KIAA0753: variants seen among roughly 807,000 people sequenced by gnomAD.
KIAA0753 encodes protein moonraker.
KIAA0753 carries 114 observed loss-of-function variants against 116.9 expected under a neutral mutation model. The ratio of observed to expected loss-of-function variants is 0.98; its 90% CI spans 0.84 to 1.14. KIAA0753 has a LOEUF of 1.14. Ranked by LOEUF, KIAA0753 falls within the 50% of genes most tolerant of loss-of-function variation. KIAA0753 has a pLI of 0.00. For synonymous variants in KIAA0753, 405 were observed against 413.1 expected, an observed-to-expected ratio of 0.98 and a Z score of 0.24; for missense variants, 1,156 against 1,172.4, an observed-to-expected ratio of 0.99 and a Z score of 0.20.
intron 8 of KIAA0753, among the ~76,000 whole-genome samples, 194 bp from the exon 9 acceptor site, chr17:6,610,354 G>A (rs1405249396): frequency 6.6e-6 from 1 of 150,426 alleles, no homozygotes; most frequent in Admixed American, 6.6e-5. Context: ...AGGGGCGGGG[G>A]GTGGAGGGTG....
intron 18 of KIAA0753, among the ~76,000 whole-genome samples, chr17:6,587,462 G>A (rs1046663040): frequency 6.6e-6 from 1 of 152,184 alleles, no homozygotes; most frequent in Non-Finnish European, 1.5e-5. Flanking sequence ...CATTTGATCA[G>A]GTGGTAAGAA....
At chr17:6,632,276 G>A (rs116632525) in intron 2 of KIAA0753, among the ~76,000 whole-genome samples, 3,130 of 152,250 alleles carry the variant, frequency 0.021, 104 homozygotes, top group African/African-American at 0.07. Flanking sequence ...GGGCCAACTA[G>A]AAGTGGCTCT....
At chr17:6,589,636 C>T in intron 18 of KIAA0753, 143 bp downstream of exon 18, 1 of 592,330 alleles carries the variant, frequency 1.7e-6, no homozygotes, top group Non-Finnish European at 2.9e-6. Context: ...GAGAGCCTGT[C>T]TCCTAGCCCA....
At position 6,622,935 on chromosome 17, in the gene KIAA0753, C is replaced by T; in HGVS notation, c.1051G>A (p.Asp351Asn). Residue 351 changes from aspartate (D) to asparagine (N), a missense_variant, in exon 6 of 19, where the codon GAT becomes AAT. By Grantham distance (23) the Asp-to-Asn change is conservative. Coordinates refer to ENST00000361413, the MANE Select transcript of KIAA0753 (RefSeq NM_014804.3). The part of the protein sequence containing the change: ...RQLSLCSVKL[D>N]ADPSVPDVVI... Reference sequence around the variant, plus strand: ...ACATCAGGAACAGAAGGGTCTGCATCCAGCTTGACAGAACAAAGTGAAAGC... The same window carrying T: ...ACATCAGGAACAGAAGGGTCTGCATTCAGCTTGACAGAACAAAGTGAAAGC... The T allele has an allele frequency of 6.2e-7, 1 of 1,614,136 alleles. No homozygotes were observed.
At chr17:6,594,758 T>C (rs1453305282) in intron 16 of KIAA0753, among the ~76,000 whole-genome samples, 2 of 152,180 alleles carry the variant, frequency 1.3e-5, no homozygotes, top group African/African-American at 2.4e-5. Context: ...AGGGGTAAAG[T>C]GTGCTGATAT....
At chr17:6,622,779 G>T in intron 6 of KIAA0753, 103 bp downstream of exon 6, 1 of 971,972 alleles carries the variant, frequency 1.0e-6, no homozygotes, top group Non-Finnish European at 1.6e-6. Flanking sequence ...AATTCACTAG[G>T]TAATGGCTTT....
chr17:6,626,434 G>A (rs1451197234), intron 3 of KIAA0753, among the ~76,000 whole-genome samples: 2 of 152,204 alleles, frequency 1.3e-5, no homozygotes, highest in African/African-American at 2.4e-5. Context: ...AGTCTCAAGA[G>A]ACCCTATATG....
chr17:6,588,773 T>C (rs1047928596), intron 18 of KIAA0753, among the ~76,000 whole-genome samples: 3 of 152,120 alleles, frequency 2.0e-5, no homozygotes, highest in Non-Finnish European at 2.9e-5. Context: ...TTAAAAAGAA[T>C]AGATTTACAC....
rs750442406 is a variant in KIAA0753, at chr17:6,628,106, A to G, written c.718+11T>C. 2 of 1,601,588 alleles carry G rather than the reference A, an allele frequency of 1.2e-6. No individual in the cohort carries two copies. The highest frequency in any genetic ancestry group is 2.2e-5 in the South Asian group (2 of 89,220). ...GCCTTAGGTCGAAGTAAAGAATCTA[A>G]TTTTTCTCACCTTTTTTAGTTACCT... is the stretch of plus-strand genomic sequence containing the variant. On this transcript the variant is annotated intron_variant, in intron 3 of 18. Transcript: ENST00000361413.
At chr17:6,586,053 C>T (rs999189952) in intron 18 of KIAA0753, among the ~76,000 whole-genome samples, 2 of 133,596 alleles carry the variant, frequency 1.5e-5, no homozygotes, top group Non-Finnish European at 3.0e-5. Context: ...ATCCCTCATG[C>T]TTTGGTGCTG....
chr17:6,591,059 GAA>G lies in KIAA0753; in HGVS notation c.2441-431_2441-430del, dbSNP rs773149317. On this transcript the variant is annotated intron_variant, in intron 16 of 18. Transcript: ENST00000361413. ...GAAGAAGGAAGAAGAAGAAGAAGAA[GAA>G]GAAGAAGAAGAAGAAGAAGAAGAAG... Among the ~76,000 whole-genome samples, 4 of 30,064 alleles carry G rather than the reference GAA, an allele frequency of 1.3e-4. No homozygotes were observed. The Admixed American group carries it at 1.6e-3, about 12-fold the overall frequency. The allele number at this position is 30,064 out of a possible 152,430, so 19.7% of individuals were successfully genotyped here.
intron 14 of KIAA0753, among the ~76,000 whole-genome samples, chr17:6,598,972 C>T (rs1223169915): frequency 6.6e-6 from 1 of 152,192 alleles, no homozygotes; most frequent in African/African-American, 2.4e-5. Context: ...CACAGGGCAC[C>T]CACACTCTGT....
rs535718008 is a variant in KIAA0753 at position 6,623,469 on chromosome 17, T to C, written c.888+40A>G. 6.4e-5 allele frequency: 95 copies of C among 1,489,654 alleles called. 3 individuals are homozygous for C. Among genetic ancestry groups the C allele is most frequent in the South Asian group, 4.8e-4 (41 of 85,374 alleles). 92.3% of individuals were successfully genotyped at this position (1,489,654 alleles called of 1,614,324 possible). On this transcript the variant is annotated intron_variant, in intron 5 of 18. Coordinates refer to ENST00000361413, the MANE Select transcript of KIAA0753 (RefSeq NM_014804.3). Reference sequence around the variant, plus strand: ...ACTAACAAAACACTGGGAAATGTCATTTATAAGCAAGTATTGATCATAATT... The same window carrying C: ...ACTAACAAAACACTGGGAAATGTCACTTATAAGCAAGTATTGATCATAATT...
chr17:6,587,349 C>G (rs900720936), intron 18 of KIAA0753, among the ~76,000 whole-genome samples: 1 of 152,094 alleles, frequency 6.6e-6, no homozygotes, highest in Non-Finnish European at 1.5e-5. Context: ...TGTAAAAATC[C>G]AGGCATATTT....
chr17:6,610,641 C>T (rs1970480893), intron 8 of KIAA0753, among the ~76,000 whole-genome samples: 1 of 150,966 alleles, frequency 6.6e-6, no homozygotes, highest in African/African-American at 2.4e-5. Context: ...CTGCCTTAGC[C>T]TCCTGAATAG....
rs572487326 is a variant in KIAA0753, at chr17:6,629,407, A to C, written c.94-666T>G. 6.6e-5 allele frequency among the ~76,000 whole-genome samples: 10 copies of C among 152,288 alleles called. No homozygotes were observed. The East Asian group carries it at 1.7e-3, about 26-fold the overall frequency. On this transcript the variant is annotated intron_variant, in intron 2 of 18. Coordinates refer to ENST00000361413, the MANE Select transcript of KIAA0753 (RefSeq NM_014804.3). ...CCAAAATCCAATGAATGGTCTTTTC[A>C]TGCCTAACTATAATGTTAATATTAA...
At chr17:6,604,649 G>A (rs796883585) in intron 12 of KIAA0753, among the ~76,000 whole-genome samples, 1 of 151,952 alleles carries the variant, frequency 6.6e-6, no homozygotes, top group Non-Finnish European at 1.5e-5. Context: ...AGCAGTGAAT[G>A]GGGGCAGGAG....
Position 6,595,012 on chromosome 17 carries a change from T to A in KIAA0753, c.2400A>T (p.Ala800=). The part of the protein sequence containing the change: ...ESVRQRYNKI[A]YADPRLWMQE... ...GCATCCAAAGTCGAGGATCAGCATA[T>A]GCGATTTTATTATATCTTTGACGAA... Residue 800 remains alanine (A), a synonymous_variant, in exon 16 of 19, where the codon GCA becomes GCT. Coordinates refer to ENST00000361413, the MANE Select transcript of KIAA0753 (RefSeq NM_014804.3). The A allele has an allele frequency of 6.2e-7, 1 of 1,612,766 alleles. No individual in the cohort carries two copies.
chr17:6,620,547 T>C (rs2150877261), intron 7 of KIAA0753, among the ~76,000 whole-genome samples: 1 of 152,238 alleles, frequency 6.6e-6, no homozygotes, highest in African/African-American at 2.4e-5. Flanking sequence ...TCTATGGGAA[T>C]TTGCCTTGGG....
Sources: allele counts gnomAD v4.1 joint callset (sites outside exome capture counted in the v4.1 genomes callset), GRCh38; gene constraint gnomAD v4.1.1; transcripts MANE v1.5; gene names NCBI Gene and HGNC (gene_info 2026-07-23, HGNC 2026-07-21).